The following SV2C variants were observed in gnomAD, a reference collection of about 807,000 sequenced individuals.
SV2C encodes synaptic vesicle glycoprotein 2C.
SV2C carries 49 observed loss-of-function variants against 79.7 expected under a neutral mutation model. The observed-to-expected ratio is 0.61, with a 90% confidence interval of 0.49 to 0.78. SV2C has a LOEUF of 0.78. Ranked by LOEUF, SV2C falls within the 30% of genes least tolerant of loss-of-function variation. SV2C has a pLI of 0.00. For synonymous variants in SV2C, 334 were observed against 333.2 expected, an observed-to-expected ratio of 1.00 and a Z score of -0.03; for missense variants, 833 against 912.9, an observed-to-expected ratio of 0.91 and a Z score of 1.13.
the SV2C span, among the ~76,000 whole-genome samples, chr5:75,898,405 C>T: frequency 6.6e-6 from 1 of 152,096 alleles, no homozygotes; most frequent in African/African-American, 2.4e-5. Context: ...GCCTTGCATC[C>T]CAGAGATGAA....
intron 4 of SV2C, among the ~76,000 whole-genome samples, chr5:76,257,876 T>C (rs1746337406): frequency 6.7e-6 from 1 of 148,174 alleles, no homozygotes; most frequent in African/African-American, 2.5e-5. Flanking sequence ...GTGCAGTGTG[T>C]GGGGTTTGAA....
Position 76,326,874 on chromosome 5 carries a change from C to T in SV2C, c.*1327C>T, listed in dbSNP as rs1376324547. 1 of 152,260 alleles carries T rather than the reference C, an allele frequency of 6.6e-6. No homozygotes were observed. Among genetic ancestry groups the T allele is most frequent in the African/African-American group, 2.4e-5 (1 of 41,454 alleles). 9.4% of individuals were successfully genotyped at this position (152,260 alleles called of 1,614,324 possible). A position where few individuals can be genotyped will look rare whatever the true frequency, so the allele number is the denominator to read the frequency against. On this transcript the variant is annotated 3_prime_UTR_variant, in exon 13 of 13. Transcript: ENST00000502798. ...ACATGACCTTCTCGCCTCTCAGGCT[C>T]CCCTTCCCCCAGGCTCGTCCTTTTT...
At chr5:75,945,522 T>C in the SV2C span, among the ~76,000 whole-genome samples, 8 of 151,926 alleles carry the variant, frequency 5.3e-5, no homozygotes, top group African/African-American at 1.9e-4. Context: ...TTTCACCATG[T>C]TGCTCAGGCT....
chr5:76,212,996 C>T (rs1744808750), intron 4 of SV2C, among the ~76,000 whole-genome samples: 1 of 152,108 alleles, frequency 6.6e-6, no homozygotes, highest in South Asian at 2.1e-4. Flanking sequence ...GAATCATAAA[C>T]AATGCATGAA....
chr5:76,005,444 C>A, the SV2C span, among the ~76,000 whole-genome samples: 2 of 151,960 alleles, frequency 1.3e-5, no homozygotes, highest in Non-Finnish European at 2.9e-5. Flanking sequence ...CTCTATATAC[C>A]CTTCATGGTT....
the SV2C span, among the ~76,000 whole-genome samples, chr5:75,979,550 A>T: frequency 2.6e-5 from 4 of 151,524 alleles, no homozygotes; most frequent in African/African-American, 9.7e-5. Context: ...AGCACAATGA[A>T]TTAGAAATAA....
the SV2C span, chr5:75,910,628 G>T: frequency 2.4e-6 from 2 of 847,876 alleles, no homozygotes; most frequent in East Asian, 2.6e-5. Context: ...TTATGATGGT[G>T]CCCAACATCA....
the SV2C span, among the ~76,000 whole-genome samples, chr5:76,069,614 C>T: frequency 1.3e-5 from 2 of 152,160 alleles, no homozygotes; most frequent in African/African-American, 4.8e-5. Context: ...AGGCTAGTCA[C>T]ACAAGGATGA....
intron 6 of SV2C, among the ~76,000 whole-genome samples, chr5:76,287,879 G>A (rs2112499663): frequency 6.6e-6 from 1 of 152,286 alleles, no homozygotes; most frequent in East Asian, 1.9e-4. Context: ...AAGGTCAGGA[G>A]ATCGAGACCA....
At chr5:76,312,520 T>C (rs936864051) in intron 12 of SV2C, among the ~76,000 whole-genome samples, 1 of 152,192 alleles carries the variant, frequency 6.6e-6, no homozygotes, top group African/African-American at 2.4e-5. Context: ...CCCAACGTGC[T>C]GGGATTACAG....
the SV2C span, among the ~76,000 whole-genome samples, chr5:75,985,424 A>T: frequency 2.6e-5 from 4 of 152,010 alleles, no homozygotes; most frequent in East Asian, 1.9e-4. Flanking sequence ...ATCAACTGGG[A>T]ACTACAGTCA....
intron 4 of SV2C, among the ~76,000 whole-genome samples, chr5:76,266,598 C>A (rs1157698188): frequency 6.6e-6 from 1 of 152,072 alleles, no homozygotes; most frequent in Non-Finnish European, 1.5e-5. Context: ...CATGAGCTCC[C>A]TAGAATAGGC....
At chr5:76,071,720 A>T in the SV2C span, among the ~76,000 whole-genome samples, 4 of 152,224 alleles carry the variant, frequency 2.6e-5, no homozygotes, top group African/African-American at 7.2e-5. Context: ...TAATAGCTAG[A>T]TCATGTAGGG....
chr5:76,268,775 C>T (rs966733586), intron 4 of SV2C, among the ~76,000 whole-genome samples: 1 of 152,156 alleles, frequency 6.6e-6, no homozygotes, highest in Non-Finnish European at 1.5e-5. Context: ...CATTGTGTGT[C>T]ACCTTTACTT....
At chr5:76,044,120 C>T in the SV2C span, among the ~76,000 whole-genome samples, 1 of 152,132 alleles carries the variant, frequency 6.6e-6, no homozygotes, top group Non-Finnish European at 1.5e-5. Flanking sequence ...TCCATGTGTT[C>T]TCATTGTTCA....
intron 4 of SV2C, among the ~76,000 whole-genome samples, chr5:76,235,842 G>A (rs1220744328): frequency 6.6e-6 from 1 of 152,008 alleles, no homozygotes; most frequent in Non-Finnish European, 1.5e-5. Context: ...CTACAGCTGA[G>A]CATGACTCTT....
rs553883859 is a variant in SV2C at position 76,132,056 on chromosome 5, G to A, written c.306G>A (p.Ala102=). Residue 102 remains alanine, a synonymous_variant, in exon 2 of 13, where the codon GCG becomes GCA. Transcript: ENST00000502798. ...EYQGIPSMNQ[A]KDSIVSVGQP... is the part of the protein sequence containing the mutation. ...AGGGCATCCCCAGTATGAACCAAGCGAAGGACAGCATCGTGTCAGTGGGGC... is the reference window on the plus strand; with the variant it reads ...AGGGCATCCCCAGTATGAACCAAGCAAAGGACAGCATCGTGTCAGTGGGGC... 9 of 1,611,832 alleles carry A rather than the reference G, an allele frequency of 5.6e-6. No individual in the cohort carries two copies. Among genetic ancestry groups the A allele is most frequent in the Middle Eastern group, 1.7e-4 (1 of 6,052 alleles).
chr5:76,030,285 T>TATTTA, the SV2C span, among the ~76,000 whole-genome samples: 11 of 109,986 alleles, frequency 1.0e-4, no homozygotes, highest in African/African-American at 5.9e-4. Flanking sequence ...TTTTTTTTTT[T>TATTTA]TTTTTTTATT....
downstream of SV2C, among the ~76,000 whole-genome samples, chr5:76,338,885 G>A (rs568093008): frequency 2.0e-5 from 3 of 152,112 alleles, no homozygotes; most frequent in South Asian, 6.2e-4. Context: ...TTGAACTCCT[G>A]ACCTCAGGTG....
Sources: allele counts gnomAD v4.1 joint callset (sites outside exome capture counted in the v4.1 genomes callset), GRCh38; gene constraint gnomAD v4.1.1; transcripts MANE v1.5; gene names NCBI Gene and HGNC (gene_info 2026-07-23, HGNC 2026-07-21).